CSGALNACT1: variants seen among roughly 807,000 people sequenced by gnomAD.
CSGALNACT1 encodes chondroitin sulfate N-acetylgalactosaminyltransferase 1.
In CSGALNACT1, 52 loss-of-function variants were observed where a neutral mutation model predicts 51.0. The observed-to-expected ratio is 1.02, with a 90% CI of 0.82 to 1.29. CSGALNACT1 has a LOEUF of 1.29. CSGALNACT1 is among the 50% of genes most tolerant of loss of function. The pLI, the probability that CSGALNACT1 is intolerant of heterozygous loss-of-function variation, is 0.00. For missense variants in CSGALNACT1, 935 were observed against 679.2 expected, an observed-to-expected ratio of 1.38 and a Z score of -4.19; for synonymous variants, 341 against 254.4, an observed-to-expected ratio of 1.34 and a Z score of -3.24.
chr8:19,444,415 C>T (rs2061795308), intron 5 of CSGALNACT1, among the ~76,000 whole-genome samples: 1 of 152,116 alleles, frequency 6.6e-6, no homozygotes, highest in Non-Finnish European at 1.5e-5. Context: ...GTGTGGTACC[C>T]TTGGATACAG....
At chr8:19,748,588 C>A (rs528334539) in intron 1 of CSGALNACT1, among the ~76,000 whole-genome samples, 1 of 152,222 alleles carries the variant, frequency 6.6e-6, no homozygotes, top group African/African-American at 2.4e-5. Flanking sequence ...GTAGCATTTA[C>A]GTACATTAGC....
intron 6 of CSGALNACT1, among the ~76,000 whole-genome samples, 196 bp downstream of exon 5, chr8:19,439,634 G>A (rs1305031274): frequency 2.6e-5 from 4 of 152,210 alleles, no homozygotes; most frequent in African/African-American, 9.7e-5. Context: ...CATGCACATT[G>A]AAAACCAGTG....
chr8:19,513,559 A>C (rs2078914050), intron 3 of CSGALNACT1, among the ~76,000 whole-genome samples: 1 of 151,430 alleles, frequency 6.6e-6, no homozygotes, highest in Non-Finnish European at 1.5e-5. Flanking sequence ...ATACACACTT[A>C]ATTAGTTTAG....
At chr8:19,571,549 G>A (rs1292229224) in intron 3 of CSGALNACT1, among the ~76,000 whole-genome samples, 9 of 128,656 alleles carry the variant, frequency 7.0e-5, no homozygotes, top group East Asian at 2.3e-4. Flanking sequence ...TGGCTAATAC[G>A]GCATTTATAC....
intron 6 of CSGALNACT1, among the ~76,000 whole-genome samples, chr8:19,428,930 C>T (rs1418141264): frequency 6.7e-6 from 1 of 148,730 alleles, no homozygotes; most frequent in African/African-American, 2.5e-5. Flanking sequence ...ATTCACACAA[C>T]ATAAAATTTT....
At chr8:19,526,417 T>C (rs1383862638) in intron 3 of CSGALNACT1, among the ~76,000 whole-genome samples, 5 of 152,098 alleles carry the variant, frequency 3.3e-5, no homozygotes, top group Admixed American at 3.3e-4. Context: ...ACTTCATCAC[T>C]ACTAAAAATA....
intron 3 of CSGALNACT1, among the ~76,000 whole-genome samples, chr8:19,513,953 T>A (rs935837313): frequency 6.6e-6 from 1 of 152,142 alleles, no homozygotes; most frequent in Non-Finnish European, 1.5e-5. Context: ...AAAATGAGCA[T>A]AATAGCTCAT....
In CSGALNACT1 at chr8:19,692,850, A is replaced by G. The variant is rs111510140; in HGVS notation, c.-297+65000T>C. On this transcript the variant is annotated intron_variant, in intron 1 of 1. Transcript: ENST00000517494. The stretch of plus-strand genomic sequence containing the variant: ...CCCAGAATCTGGCTGAGCTTCCAAC[A>G]GGCTGGAGAATAAGCACTGTCACCT... 3.6e-3 allele frequency among the ~76,000 whole-genome samples: 547 copies of G among 152,304 alleles called. 3 individuals are homozygous for G. The highest frequency in any genetic ancestry group is 0.013 in the African/African-American group (534 of 41,556).
At chr8:19,478,978 G>A (rs1023769541) in intron 4 of CSGALNACT1, among the ~76,000 whole-genome samples, 2 of 152,168 alleles carry the variant, frequency 1.3e-5, no homozygotes, top group African/African-American at 4.8e-5. Context: ...CTGAGAAGCA[G>A]GATGAGTTCT....
Position 19,457,185 on chromosome 8 carries a change from C to A in CSGALNACT1, c.851+1241G>T, listed in dbSNP as rs1416555435. The stretch of plus-strand genomic sequence containing the variant: ...AGGTCTAAGACTATTTGATTCTAAT[C>A]TTCAAAAAACTTAGTTATAAGTGGG... On this transcript the variant is annotated intron_variant, in intron 5 of 9. Coordinates refer to ENST00000454498, the Ensembl canonical transcript of CSGALNACT1. Among the ~76,000 whole-genome samples the A allele has an allele frequency of 7.9e-5, 12 of 152,180 alleles. No homozygotes were observed. In the East Asian group the frequency reaches 2.3e-3, roughly 29 times the overall value.
At chr8:19,469,703 T>G (rs1466123826) in intron 4 of CSGALNACT1, among the ~76,000 whole-genome samples, 1 of 152,136 alleles carries the variant, frequency 6.6e-6, no homozygotes, top group Non-Finnish European at 1.5e-5. Context: ...ACCTCCTCAA[T>G]GAGGCTTTAC....
chr8:19,558,605 T>C (rs993008476), intron 3 of CSGALNACT1, among the ~76,000 whole-genome samples: 4 of 152,218 alleles, frequency 2.6e-5, no homozygotes, highest in African/African-American at 9.6e-5. Flanking sequence ...AGATGTTTAC[T>C]TTTTAAACTT....
chr8:19,703,228 T>C, intron 1 of CSGALNACT1, among the ~76,000 whole-genome samples: 1 of 152,184 alleles, frequency 6.6e-6, no homozygotes, highest in East Asian at 1.9e-4. Context: ...GAAGGAGCCA[T>C]TGACGTGGCA....
intron 5 of CSGALNACT1, among the ~76,000 whole-genome samples, chr8:19,445,670 T>G (rs1294812713): frequency 6.6e-6 from 1 of 152,228 alleles, no homozygotes. Flanking sequence ...CCATGTACTG[T>G]GCAAAACTGA....
chr8:19,603,568 T>C (rs985801508), upstream of CSGALNACT1, among the ~76,000 whole-genome samples: 2 of 152,254 alleles, frequency 1.3e-5, no homozygotes, highest in African/African-American at 2.4e-5. Flanking sequence ...GAATCTGAGT[T>C]GTTTTCTGTC....
exon 4 of CSGALNACT1, chr8:19,505,579 GCTC>G: frequency 5.0e-6 from 8 of 1,614,034 alleles, no homozygotes; most frequent in East Asian, 2.2e-5. Context: ...CTCTCCTGCA[GCTC>G]CTCCTTGAGC....
intron 1 of CSGALNACT1, among the ~76,000 whole-genome samples, chr8:19,653,947 C>T (rs987910237): frequency 6.6e-6 from 1 of 152,122 alleles, no homozygotes; most frequent in Non-Finnish European, 1.5e-5. Context: ...TGCCTCCATT[C>T]CCCTCTCCCC....
chr8:19,596,069 T>C (rs1007731011), intron 2 of CSGALNACT1, among the ~76,000 whole-genome samples: 1 of 152,076 alleles, frequency 6.6e-6, no homozygotes, highest in African/African-American at 2.4e-5. Context: ...GGTCTTGTCA[T>C]GTTGCCTCGG....
At chr8:19,674,099 C>A (rs2059991116) in intron 1 of CSGALNACT1, among the ~76,000 whole-genome samples, 1 of 152,148 alleles carries the variant, frequency 6.6e-6, no homozygotes, top group Non-Finnish European at 1.5e-5. Context: ...ACCAGCCTGG[C>A]CAACATGGCA....
Sources: gnomAD v4.1 joint callset for allele counts (sites outside exome capture counted in the v4.1 genomes callset) on GRCh38, gnomAD v4.1.1 for gene constraint, MANE v1.5 for transcripts, NCBI Gene and HGNC (gene_info 2026-07-23, HGNC 2026-07-21) for gene names.